Variants in SCAF8 observed in about 807,000 individuals in gnomAD.
SCAF8 encodes SR-related and CTD-associated factor 8.
Under a neutral mutation model 140.5 loss-of-function variants are expected in SCAF8, and 23 were observed. The observed-to-expected ratio is 0.16, with a 90% CI of 0.12 to 0.23. The LOEUF (loss-of-function observed/expected upper bound fraction) is 0.23, where lower values mean the gene tolerates loss of function less well. Ranked by LOEUF, SCAF8 falls within the 10% of genes least tolerant of loss-of-function variation. The pLI is 1.00. For synonymous variants in SCAF8, 575 were observed against 528.9 expected (o/e 1.09, Z -1.20); for missense variants, 1,397 against 1,555.7 (o/e 0.90, Z 1.72).
chr6:154,781,602 C>T (rs1406806615), intron 3 of SCAF8, among the ~76,000 whole-genome samples: 4 of 152,186 alleles, frequency 2.6e-5, no homozygotes, highest in Non-Finnish European at 5.9e-5. Flanking sequence ...TACAAGGCTA[C>T]AGTAACCAGA....
intron 1 of SCAF8, among the ~76,000 whole-genome samples, chr6:154,746,176 G>A (rs73010912): frequency 0.014 from 2,179 of 152,238 alleles, 21 homozygotes; most frequent in Non-Finnish European, 0.021. Context: ...TTAAGCCACC[G>A]CACCCAGCTA....
At position 154,782,549 on chromosome 6, in the gene SCAF8, T is replaced by C. The variant is rs145767682; in HGVS notation, c.159+4504T>C. ...GTTATGATCCTGTGTCAGGGTTCTC[T>C]AGAGGGACAGAACTAATAGGATATG... On this transcript the variant is annotated intron_variant, in intron 3 of 19. Coordinates refer to ENST00000367178, the MANE Select transcript of SCAF8 (RefSeq NM_014892.5). Among the ~76,000 whole-genome samples the C allele has an allele frequency of 4.2e-3, 638 of 152,248 alleles. 4 individuals are homozygous for C. Among genetic ancestry groups the C allele is most frequent in the African/African-American group, 0.014 (595 of 41,554 alleles).
chr6:154,745,361 T>C (rs1302801256), intron 1 of SCAF8, among the ~76,000 whole-genome samples: 1 of 152,198 alleles, frequency 6.6e-6, no homozygotes. Flanking sequence ...AATAGGGATG[T>C]AGAGCTTTTG....
intron 19 of SCAF8, 38 bp downstream of exon 19, chr6:154,831,178 C>T (rs1313725049): frequency 7.8e-7 from 1 of 1,274,188 alleles, no homozygotes; most frequent in Admixed American, 2.3e-5. Flanking sequence ...AAGAGGTTGC[C>T]TCTCTGTATT....
At position 154,749,202 on chromosome 6, in the gene SCAF8, A is replaced by C. The variant is rs1340987852; in HGVS notation, c.30+15272A>C. Among the ~76,000 whole-genome samples, 4 of 152,274 alleles carry C rather than the reference A, an allele frequency of 2.6e-5. No individual in the cohort carries two copies. The South Asian group carries it at 8.3e-4, about 32-fold the overall frequency. On this transcript the variant is annotated intron_variant, in intron 1 of 19. Coordinates refer to ENST00000367178, the MANE Select transcript of SCAF8 (RefSeq NM_014892.5). ...GTGATCTGCCCGCCTTAGCCTCCCA[A>C]AGTGGTGGGATTACAGGCATGAGCC...
chr6:154,792,312 A>C (rs185044342), intron 4 of SCAF8, among the ~76,000 whole-genome samples: 1 of 152,336 alleles, frequency 6.6e-6, no homozygotes, highest in East Asian at 1.9e-4. Context: ...AATTTGATTA[A>C]ATTCTTACAT....
intron 10 of SCAF8, 75 bp from the exon 11 acceptor site, chr6:154,808,611 A>T (rs1777994902): frequency 9.2e-6 from 9 of 979,580 alleles, no homozygotes; most frequent in African/African-American, 3.2e-5. Flanking sequence ...CAATATTTTT[A>T]AAAACAGAAT....
intron 19 of SCAF8, 33 bp from the exon 20 acceptor site, chr6:154,831,906 T>C (rs752560349): frequency 3.2e-6 from 5 of 1,544,818 alleles, no homozygotes; most frequent in Admixed American, 2.1e-5. Context: ...TTGACTGTTA[T>C]TTTGAGTTTT....
intron 6 of SCAF8, among the ~76,000 whole-genome samples, chr6:154,795,975 C>G (rs1362286035): frequency 6.6e-6 from 1 of 151,960 alleles, no homozygotes; most frequent in Non-Finnish European, 1.5e-5. Flanking sequence ...TAGTCAATAC[C>G]AGTTTCTCTT....
chr6:154,741,031 G>GA (rs1340299650), intron 1 of SCAF8, among the ~76,000 whole-genome samples: 1 of 152,164 alleles, frequency 6.6e-6, no homozygotes, highest in African/African-American at 2.4e-5. Context: ...AGGAGAGTTG[G>GA]AGAGGGAACT....
intron 12 of SCAF8, among the ~76,000 whole-genome samples, chr6:154,815,432 C>G (rs1431721715): frequency 6.6e-6 from 1 of 152,206 alleles, no homozygotes; most frequent in East Asian, 1.9e-4. Context: ...GCATGCCACT[C>G]ATCCTCTTAG....
intron 12 of SCAF8, 40 bp from the exon 13 acceptor site, chr6:154,815,676 T>A: frequency 8.9e-7 from 1 of 1,126,794 alleles, no homozygotes. Context: ...AGTAACTATG[T>A]CTAAATGATT....
At chr6:154,774,234 T>C (rs1776855036) in intron 2 of SCAF8, among the ~76,000 whole-genome samples, 162 bp downstream of exon 2, 1 of 152,210 alleles carries the variant, frequency 6.6e-6, no homozygotes, top group Non-Finnish European at 1.5e-5. Context: ...CTGTAGACTC[T>C]CCCACCTAGA....
At chr6:154,769,062 CAAAAAAAAAAA>C (rs56383173) in intron 1 of SCAF8, among the ~76,000 whole-genome samples, 2 of 96,766 alleles carry the variant, frequency 2.1e-5, no homozygotes, top group Admixed American at 2.2e-4. Flanking sequence ...GACACTGTCT[CAAAAAAAAAAA>C]AAAAAAAAAA....
At chr6:154,801,762 C>G (rs952157864) in intron 6 of SCAF8, among the ~76,000 whole-genome samples, 1 of 151,114 alleles carries the variant, frequency 6.6e-6, no homozygotes, top group African/African-American at 2.4e-5. Flanking sequence ...GTTTAAAGTT[C>G]GCTGACTTTC....
intron 2 of SCAF8, among the ~76,000 whole-genome samples, chr6:154,776,739 T>C (rs539712756): frequency 2.0e-5 from 3 of 152,338 alleles, no homozygotes; most frequent in Non-Finnish European, 2.9e-5. Flanking sequence ...CTTAAACTTG[T>C]AGGTTTTGAT....
chr6:154,787,869 A>G lies in SCAF8; in HGVS notation c.168A>G (p.Pro56=), dbSNP rs1777298482. Residue 56 remains proline (P), a synonymous_variant, in exon 4 of 20, where the codon CCA becomes CCG. Coordinates refer to ENST00000367178, the MANE Select transcript of SCAF8 (RefSeq NM_014892.5). ...CTTCTTTTTTTCATCAGTGTAAACCAGAATACAAAGTACCTGGACTTTATG... is the reference window on the plus strand; with the variant it reads ...CTTCTTTTTTTCATCAGTGTAAACCGGAATACAAAGTACCTGGACTTTATG... ...SVEKFIQKCK[P]EYKVPGLYVI... 7 of 1,609,944 alleles carry G rather than the reference A, an allele frequency of 4.3e-6. No homozygotes were observed. Among genetic ancestry groups the G allele is most frequent in the African/African-American group, 1.3e-5 (1 of 74,666 alleles).
At chr6:154,813,991 G>T (rs1280574098) in intron 12 of SCAF8, among the ~76,000 whole-genome samples, 2 of 152,164 alleles carry the variant, frequency 1.3e-5, no homozygotes, top group African/African-American at 4.8e-5. Flanking sequence ...AACTATAAGA[G>T]AATATATTTG....
chr6:154,796,389 C>CTCTCTGTCTG (rs376622207), intron 6 of SCAF8, among the ~76,000 whole-genome samples: 4,303 of 140,928 alleles, frequency 0.031, 184 homozygotes, highest in East Asian at 0.14. Flanking sequence ...CTCTCTCTCT[C>CTCTCTGTCTG]TCTGTCTCTC....
Sources: gnomAD v4.1 joint callset for allele counts (sites outside exome capture counted in the v4.1 genomes callset) on GRCh38, gnomAD v4.1.1 for gene constraint, MANE v1.5 for transcripts, NCBI Gene and HGNC (gene_info 2026-07-23, HGNC 2026-07-21) for gene names.